The following PLXNA4 variants were observed in gnomAD, a reference collection of about 807,000 sequenced individuals.
PLXNA4 encodes plexin-A4.
Under a neutral mutation model 191.8 loss-of-function variants are expected in PLXNA4, and 44 were observed. That is an observed-to-expected ratio of 0.23 (90% confidence interval 0.18 to 0.29). The LOEUF (loss-of-function observed/expected upper bound fraction) is 0.29. Ranked by LOEUF, PLXNA4 falls within the 10% of genes least tolerant of loss-of-function variation. PLXNA4 has a pLI of 1.00. For missense variants in PLXNA4, 1,800 were observed against 2,488.8 expected (o/e 0.72, Z 5.89); for synonymous variants, 1,082 against 1,009.5 (o/e 1.07, Z -1.36).
chr7:132,223,627 A>T lies in PLXNA4; in HGVS notation c.1997T>A (p.Val666Glu). Residue 666 changes from valine to glutamate, a missense_variant, in exon 9 of 32, where the codon GTG (valine) becomes GAG (glutamate). Val to Glu is a moderately radical substitution (Grantham distance 121). Around this residue, in one of 6 missense-constraint regions of PLXNA4, gnomAD observed 1,397 missense variants for 1,880.4 expected, o/e 0.74. Transcript: ENST00000321063. ...CSVHNSCLSC[V>E]ESPYRCHWCK... ...CCAGTGGCAGCGGTATGGACTCTCCACGCAGGACAGGCACCTGGGCACAGG... is the reference window on the plus strand; with the variant it reads ...CCAGTGGCAGCGGTATGGACTCTCCTCGCAGGACAGGCACCTGGGCACAGG... The T allele has an allele frequency of 6.2e-7, 1 of 1,613,420 alleles. No individual in the cohort carries two copies. Among genetic ancestry groups the T allele is most frequent in the Non-Finnish European group, 8.5e-7 (1 of 1,179,742 alleles).
chr7:132,249,117 C>T (rs887479302), intron 4 of PLXNA4, among the ~76,000 whole-genome samples: 8 of 152,242 alleles, frequency 5.3e-5, no homozygotes, highest in Admixed American at 3.9e-4. Flanking sequence ...GCTTGGGGAG[C>T]TGAGGTTCCA....
chr7:132,187,485 G>A lies in PLXNA4; in HGVS notation c.2979C>T (p.Pro993=), dbSNP rs752176239. The change falls in exon 15 of 32, where the codon CCC becomes CCT. Residue 993 remains proline (P), a synonymous_variant. Coordinates refer to ENST00000321063, the MANE Select transcript of PLXNA4 (RefSeq NM_020911.2). ...CTCTGAGTTACCTGTGGAAGAGACA[G>A]GGCTGCTTTCCAAACATCACCACCA... ...SNVVVMFGKQ[P]CLFHRRSPSY... The A allele has an allele frequency of 6.2e-7, 1 of 1,613,896 alleles. No individual in the cohort carries two copies. The highest frequency in any genetic ancestry group is 8.5e-7 in the Non-Finnish European group (1 of 1,179,830).
In PLXNA4 at chr7:132,283,622, G is replaced by A. The variant is rs76839631; in HGVS notation, c.1503+14469C>T. Among the ~76,000 whole-genome samples, 166 of 152,276 alleles carry A rather than the reference G, an allele frequency of 1.1e-3. 5 individuals are homozygous for A. In the East Asian group the frequency reaches 0.032, roughly 29 times the overall value. ...CACACACAAAAAAAGAGAAACTTGG[G>A]TCAGGCCTACAGCCAGAGAGACTAG... is the stretch of plus-strand genomic sequence containing the variant. On this transcript the variant is annotated intron_variant, in intron 4 of 31. Coordinates refer to ENST00000321063, the MANE Select transcript of PLXNA4 (RefSeq NM_020911.2).
intron 1 of PLXNA4, among the ~76,000 whole-genome samples, chr7:132,572,927 T>C (rs991671278): frequency 1.3e-5 from 2 of 152,194 alleles, no homozygotes; most frequent in African/African-American, 4.8e-5. Context: ...TAGTGAGACG[T>C]CTTTTTAAAA....
intron 3 of PLXNA4, among the ~76,000 whole-genome samples, chr7:132,359,403 G>A (rs1009566742): frequency 6.6e-5 from 10 of 151,716 alleles, no homozygotes; most frequent in Non-Finnish European, 1.3e-4. Flanking sequence ...TTTTAGTAGA[G>A]ACGGAGTTTC....
chr7:132,210,839 G>A, intron 10 of PLXNA4, 104 bp downstream of exon 10: 1 of 1,302,792 alleles, frequency 7.7e-7, no homozygotes, highest in Non-Finnish European at 1.1e-6. Context: ...TGTGCGTGTT[G>A]AGGAAACGAC....
intron 2 of PLXNA4, among the ~76,000 whole-genome samples, chr7:132,612,763 C>T (rs180765588): frequency 1.3e-5 from 2 of 151,618 alleles, no homozygotes; most frequent in African/African-American, 4.8e-5. Flanking sequence ...GCAGGGAGGG[C>T]CTGTCCTGTG....
At chr7:132,176,639 AGT>A (rs1796472368) in intron 20 of PLXNA4, among the ~76,000 whole-genome samples, 1 of 150,984 alleles carries the variant, frequency 6.6e-6, no homozygotes. Context: ...TATGTCAGTG[AGT>A]GTGTAGGCAT....
intron 3 of PLXNA4, among the ~76,000 whole-genome samples, chr7:132,299,674 G>C (rs1371358640): frequency 1.3e-5 from 2 of 152,144 alleles, no homozygotes; most frequent in Admixed American, 6.5e-5. Flanking sequence ...CACGGCTCAT[G>C]TGTCCCTCCA....
At chr7:132,562,258 T>C (rs1801205793) in intron 1 of PLXNA4, among the ~76,000 whole-genome samples, 1 of 125,724 alleles carries the variant, frequency 8.0e-6, no homozygotes, top group Non-Finnish European at 1.6e-5. Context: ...CTCCTCCTCC[T>C]CTTCTTTCTC....
At position 132,508,325 on chromosome 7, in the gene PLXNA4, C is replaced by A. The variant is rs759964709; in HGVS notation, c.369G>T (p.Lys123Asn). ...NVNKMLLIDY[K>N]ENRLIACGSL... ...TCCCACAGGCAATCAGCCTGTTCTC[C>A]TTGTAGTCTATGAGGAGCATCTTGT... The change falls in exon 2 of 32, where the codon AAG (lysine) becomes AAT (asparagine). Residue 123 changes from lysine to asparagine, a missense_variant. By Grantham distance (94) the Lys-to-Asn change is moderately conservative. This residue lies in a region of PLXNA4 where 1,397 missense variants were observed against 1,880.4 expected (regional missense o/e 0.74). Coordinates refer to ENST00000321063, the MANE Select transcript of PLXNA4 (RefSeq NM_020911.2). This position sits in a 1 kb window ranked among gnomAD's most constrained non-coding sequence, Gnocchi z 4.4. 1 of 1,614,192 alleles carries A rather than the reference C, an allele frequency of 6.2e-7. No individual in the cohort carries two copies. The highest frequency in any genetic ancestry group is 8.5e-7 in the Non-Finnish European group (1 of 1,180,042).
intron 16 of PLXNA4, among the ~76,000 whole-genome samples, chr7:132,182,960 T>C (rs1166334248): frequency 3.3e-5 from 5 of 152,180 alleles, no homozygotes; most frequent in Admixed American, 1.3e-4. Flanking sequence ...GGGTGGGCAG[T>C]ACTGTAGTGG....
rs538139417 is a variant in PLXNA4 at position 132,382,497 on chromosome 7, G to A, written c.1372-84275C>T. 3.9e-4 allele frequency among the ~76,000 whole-genome samples: 60 copies of A among 152,218 alleles called. 1 individual carries two copies. Among genetic ancestry groups the A allele is most frequent in the South Asian group, 1.0e-3 (5 of 4,818 alleles). ...AGTGAGATCCAAATATGAGGTCCCC[G>A]TGGCAGGGACCTCAAACCTCCACCA... On this transcript the variant is annotated intron_variant, in intron 3 of 31. Transcript: ENST00000321063.
intron 3 of PLXNA4, among the ~76,000 whole-genome samples, chr7:132,342,072 C>T (rs1293776136): frequency 6.6e-6 from 1 of 151,514 alleles, no homozygotes; most frequent in Non-Finnish European, 1.5e-5. Context: ...CCAAGCAATC[C>T]ATCATGGATT....
chr7:132,210,915 T>C, intron 10 of PLXNA4, 28 bp downstream of exon 10: 1 of 1,601,436 alleles, frequency 6.2e-7, no homozygotes, highest in Non-Finnish European at 8.5e-7. Flanking sequence ...GGGCCTGGTT[T>C]GGCAGTGGGC....
In PLXNA4 at chr7:132,168,578, G is replaced by A; in HGVS notation, c.4018-6C>T. 1.3e-6 allele frequency: 2 copies of A among 1,571,240 alleles called. No individual in the cohort carries two copies. Among genetic ancestry groups the A allele is most frequent in the Non-Finnish European group, 1.7e-6 (2 of 1,157,150 alleles). ...TCCTGCCGGTAGCCCGGGACCTGCA[G>A]AGAGACCTAGGAGTCGTGATGCCAT... On this transcript the variant is annotated splice_polypyrimidine_tract_variant and splice_region_variant and intron_variant, in intron 21 of 31. Coordinates refer to ENST00000321063, the MANE Select transcript of PLXNA4 (RefSeq NM_020911.2).
At chr7:132,401,659 C>T (rs1793990177) in intron 3 of PLXNA4, among the ~76,000 whole-genome samples, 1 of 151,896 alleles carries the variant, frequency 6.6e-6, no homozygotes, top group African/African-American at 2.4e-5. Flanking sequence ...GGGAAAGGGC[C>T]CTCTAAGCCA....
At chr7:132,262,618 G>A (rs1305562582) in intron 4 of PLXNA4, among the ~76,000 whole-genome samples, 2 of 152,108 alleles carry the variant, frequency 1.3e-5, no homozygotes, top group Admixed American at 1.3e-4. Flanking sequence ...TACATGTCAG[G>A]TTCCCATGGC....
At chr7:132,471,011 C>T (rs1004985397) in intron 3 of PLXNA4, among the ~76,000 whole-genome samples, 25 of 152,084 alleles carry the variant, frequency 1.6e-4, no homozygotes, top group Non-Finnish European at 2.1e-4. Context: ...GGAGGTGGGG[C>T]CTTGGGGGGT....
Sources: allele counts gnomAD v4.1 joint callset (sites outside exome capture counted in the v4.1 genomes callset), GRCh38; gene constraint gnomAD v4.1.1; regional missense constraint gnomAD v4.1.1; non-coding constraint Gnocchi (gnomAD v3.1); transcripts MANE v1.5; gene names NCBI Gene and HGNC (gene_info 2026-07-23, HGNC 2026-07-21).